The following KCNN2 variants were observed in gnomAD, a reference collection of about 807,000 sequenced individuals.
KCNN2 encodes the protein small conductance calcium-activated potassium channel protein 2.
Under a neutral mutation model 55.5 loss-of-function variants are expected in KCNN2, and 24 were observed. The ratio of observed to expected loss-of-function variants is 0.43; its 90% confidence interval spans 0.31 to 0.61. KCNN2 has a LOEUF of 0.61. KCNN2 is among the 20% of genes least tolerant of loss of function. The pLI, the probability that KCNN2 is intolerant of heterozygous loss-of-function variation, is 0.08. For synonymous variants in KCNN2, 431 were observed against 336.1 expected (o/e 1.28, Z -3.09); for missense variants, 754 against 853.6 (o/e 0.88, Z 1.45).
intron 1 of KCNN2, among the ~76,000 whole-genome samples, chr5:114,141,891 G>A (rs2112505839): frequency 6.6e-6 from 1 of 152,324 alleles, no homozygotes; most frequent in Non-Finnish European, 1.5e-5. Context: ...GTGATGATGA[G>A]CGTTTTTTCA....
At chr5:114,456,953 G>A (rs1580863201) in intron 3 of KCNN2, among the ~76,000 whole-genome samples, 1 of 152,148 alleles carries the variant, frequency 6.6e-6, no homozygotes, top group East Asian at 1.9e-4. Context: ...TCTACTCCTG[G>A]AGAAGATGCT....
chr5:114,219,729 G>A (rs1754093424), intron 1 of KCNN2, among the ~76,000 whole-genome samples: 1 of 152,056 alleles, frequency 6.6e-6, no homozygotes, highest in South Asian at 2.1e-4. Flanking sequence ...TGGCTTGAGG[G>A]TGGGGTTTTG....
intron 2 of KCNN2, among the ~76,000 whole-genome samples, chr5:114,294,660 G>A (rs1311839606): frequency 1.3e-5 from 2 of 152,144 alleles, no homozygotes; most frequent in African/African-American, 4.8e-5. Context: ...TGAAAAGAAT[G>A]TATATTCTAT....
intron 1 of KCNN2, among the ~76,000 whole-genome samples, chr5:114,118,933 G>A (rs192983110): frequency 1.1e-4 from 17 of 152,220 alleles, no homozygotes; most frequent in Admixed American, 2.6e-4. Flanking sequence ...ATAGACCATG[G>A]AGACTGACAG....
chr5:114,191,635 G>A (rs1238484009), intron 1 of KCNN2, among the ~76,000 whole-genome samples: 1 of 152,112 alleles, frequency 6.6e-6, no homozygotes. Flanking sequence ...TCATAGCACT[G>A]GAATGTTAGT....
chr5:114,261,221 AATCAGTAG>A (rs1755102506), intron 2 of KCNN2, among the ~76,000 whole-genome samples: 1 of 152,196 alleles, frequency 6.6e-6, no homozygotes, highest in African/African-American at 2.4e-5. Flanking sequence ...TCACTGGTGA[AATCAGTAG>A]TGTCAAGACA....
chr5:114,379,065 G>A (rs1758023795), intron 2 of KCNN2, among the ~76,000 whole-genome samples: 1 of 152,078 alleles, frequency 6.6e-6, no homozygotes, highest in Non-Finnish European at 1.5e-5. Context: ...CCCCTTAGAA[G>A]CCCCTCAGGG....
chr5:114,362,492 C>T lies in KCNN2; in HGVS notation c.353C>T (p.Ser118Leu), dbSNP rs544525765. 154 of 466,008 alleles carry T rather than the reference C, an allele frequency of 3.3e-4. 1 individual carries two copies. Among genetic ancestry groups the T allele is most frequent in the Middle Eastern group, 1.6e-3 (3 of 1,840 alleles). The allele number at this position is 466,008 out of a possible 1,614,324, so 28.9% of individuals were successfully genotyped here. A position where few individuals can be genotyped will look rare whatever the true frequency, so the allele number is the denominator to read the frequency against. ...TCGTCCTGCTGCTGCTGCTGCTGCT[C>T]GTCGCGCCGGGGCAGCCAGCTCAAT... ...SGSSCCCCCC[S>L]SRRGSQLNVS... The change falls in exon 1 of 8, where the codon TCG (serine) becomes TTG (leucine). Residue 118 changes from serine (S) to leucine (L), a missense_variant. This residue lies in a region of KCNN2 where 381 missense variants were observed against 259.1 expected (regional missense o/e 1.47). Coordinates refer to ENST00000673685, the MANE Select transcript of KCNN2 (RefSeq NM_021614.4).
intron 2 of KCNN2, among the ~76,000 whole-genome samples, chr5:114,301,050 A>AT (rs1305632163): frequency 1.4e-4 from 1 of 7,008 alleles, no homozygotes; most frequent in Admixed American, 2.3e-3. Context: ...CCTTTATTAA[A>AT]TATTTTTTTT....
In KCNN2 at chr5:114,283,069, C is replaced by G. The variant is rs973846763; in HGVS notation, c.-185+61504C>G. 8.5e-5 allele frequency among the ~76,000 whole-genome samples: 13 copies of G among 152,276 alleles called. No individual in the cohort carries two copies. In the East Asian group the frequency reaches 2.5e-3, roughly 29 times the overall value. Reference sequence around the variant, plus strand: ...TCATTCTGCAAGTGCTTTTTTAGAACTGTTGAATAGGTACTGGTTTCTTTC... The same window carrying G: ...TCATTCTGCAAGTGCTTTTTTAGAAGTGTTGAATAGGTACTGGTTTCTTTC... On this transcript the variant is annotated intron_variant, in intron 2 of 10. Transcript: ENST00000512097.
intron 2 of KCNN2, among the ~76,000 whole-genome samples, chr5:114,350,178 T>C (rs1757182351): frequency 6.6e-6 from 1 of 152,038 alleles, no homozygotes; most frequent in Non-Finnish European, 1.5e-5. Flanking sequence ...GATGTTTCGA[T>C]GCATGTATAC....
At chr5:114,143,046 C>G (rs1225601573) in intron 1 of KCNN2, among the ~76,000 whole-genome samples, 1 of 152,006 alleles carries the variant, frequency 6.6e-6, no homozygotes, top group East Asian at 1.9e-4. Flanking sequence ...TAAACGCACA[C>G]AAGATAGTGA....
intron 2 of KCNN2, among the ~76,000 whole-genome samples, chr5:114,343,343 CATT>C (rs1278337407): frequency 2.0e-5 from 3 of 152,056 alleles, no homozygotes; most frequent in African/African-American, 7.2e-5. Context: ...GTCTATATCT[CATT>C]ATTGAGATAT....
chr5:114,388,753 A>G (rs559996237), intron 2 of KCNN2, among the ~76,000 whole-genome samples: 1 of 152,298 alleles, frequency 6.6e-6, no homozygotes, highest in East Asian at 1.9e-4. Flanking sequence ...ATAGTCTTCT[A>G]GGCTGACCAT....
In KCNN2 at chr5:114,247,939, T is replaced by G. The variant is rs1256086212; in HGVS notation, c.-185+26374T>G. Among the ~76,000 whole-genome samples the G allele has an allele frequency of 2.6e-5, 4 of 152,364 alleles. No individual in the cohort carries two copies. In the East Asian group the frequency reaches 7.7e-4, roughly 29 times the overall value. ...GTATAATTATCTTCAGAATTCTATC[T>G]TAATTGTTTTTGTGTTTTCCACCTG... On this transcript the variant is annotated intron_variant, in intron 2 of 10. Transcript: ENST00000512097.
intron 2 of KCNN2, among the ~76,000 whole-genome samples, chr5:114,346,393 A>T (rs1194853125): frequency 1.3e-5 from 2 of 152,202 alleles, no homozygotes; most frequent in Admixed American, 1.3e-4. Flanking sequence ...GGACACAAAC[A>T]TCATTTGCTA....
At chr5:114,117,691 G>T (rs1287610155) in intron 1 of KCNN2, among the ~76,000 whole-genome samples, 1 of 152,098 alleles carries the variant, frequency 6.6e-6, no homozygotes, top group South Asian at 2.1e-4. Flanking sequence ...TTTGAGGAGA[G>T]GTGGGAAAGC....
chr5:114,476,058 T>TTAAG (rs754111304), intron 5 of KCNN2, among the ~76,000 whole-genome samples: 1 of 152,102 alleles, frequency 6.6e-6, no homozygotes, highest in Non-Finnish European at 1.5e-5. Flanking sequence ...AAATTATACT[T>TTAAG]TAAGTTTTAG....
intron 3 of KCNN2, among the ~76,000 whole-genome samples, chr5:114,456,181 AC>A (rs1760919408): frequency 6.6e-6 from 1 of 152,172 alleles, no homozygotes; most frequent in South Asian, 2.1e-4. Flanking sequence ...GGACACATGA[AC>A]TGTCTTGTTA....
Sources: allele counts gnomAD v4.1 joint callset (sites outside exome capture counted in the v4.1 genomes callset), GRCh38; gene constraint gnomAD v4.1.1; regional missense constraint gnomAD v4.1.1; transcripts MANE v1.5; gene names NCBI Gene and HGNC (gene_info 2026-07-23, HGNC 2026-07-21).